The following ZNF658 variants were observed in gnomAD, a reference collection of about 807,000 sequenced individuals.
ZNF658 encodes the protein zinc finger protein 658.
ZNF658 carries 46 observed loss-of-function variants against 78.0 expected under a neutral mutation model. The ratio of observed to expected loss-of-function variants is 0.59; its 90% CI spans 0.47 to 0.75. ZNF658 has a LOEUF of 0.75. Among genes scored for constraint, ZNF658 ranks in the 30% least tolerant of loss-of-function variants. ZNF658 has a pLI of 0.00. For synonymous variants in ZNF658, 279 were observed against 408.4 expected (o/e 0.68, Z 3.82); for missense variants, 785 against 1,189.3 (o/e 0.66, Z 5.00).
chr9:66,917,686 C>A (rs1187227170), intron 4 of ZNF658, 119 bp from the exon 5 acceptor site: 1 of 859,244 alleles, frequency 1.2e-6, no homozygotes, highest in Non-Finnish European at 1.7e-6. Context: ...GCACTCCAGC[C>A]TGGGTGACAG....
intron 4 of ZNF658, among the ~76,000 whole-genome samples, chr9:66,914,045 G>A (rs1012540045): frequency 1.9e-4 from 29 of 149,320 alleles, no homozygotes; most frequent in Admixed American, 1.9e-3. Flanking sequence ...TTTTAAATGA[G>A]GTTCATAATC....
At chr9:66,909,253 T>TC (rs1822156211) in intron 4 of ZNF658, among the ~76,000 whole-genome samples, 1 of 151,876 alleles carries the variant, frequency 6.6e-6, no homozygotes, top group African/African-American at 2.4e-5. Flanking sequence ...CACTGTCCCA[T>TC]CCCCCCTGCC....
At chr9:66,910,834 G>C (rs1280817867) in intron 4 of ZNF658, among the ~76,000 whole-genome samples, 2 of 143,652 alleles carry the variant, frequency 1.4e-5, no homozygotes, top group Admixed American at 7.2e-5. Flanking sequence ...TAAAGTTGTT[G>C]AGTCAATAAA....
At chr9:66,907,427 T>A (rs1232618331) in intron 2 of ZNF658, among the ~76,000 whole-genome samples, 1 of 152,144 alleles carries the variant, frequency 6.6e-6, no homozygotes, top group Non-Finnish European at 1.5e-5. Context: ...ATTCTAGTCA[T>A]CATCCTGTGC....
downstream of ZNF658, among the ~76,000 whole-genome samples, chr9:66,923,129 G>C (rs1365652180): frequency 7.1e-6 from 1 of 141,660 alleles, no homozygotes; most frequent in Non-Finnish European, 1.6e-5. Context: ...GAAGCCAACA[G>C]TGCAGCCTTC....
chr9:66,903,066 C>T (rs1821990086), intron 1 of ZNF658: 1 of 163,582 alleles, frequency 6.1e-6, no homozygotes, highest in Admixed American at 5.8e-5. Context: ...AGGTAAACAG[C>T]TTCATCTCTG....
At position 66,913,431 on chromosome 9, in the gene ZNF658, G is replaced by GA. The variant is rs56789827; in HGVS notation, c.239-4360dup. 4.8e-3 allele frequency among the ~76,000 whole-genome samples: 681 copies of GA among 142,180 alleles called. 3 individuals carry two copies. The highest frequency in any genetic ancestry group is 9.8e-3 in the African/African-American group (383 of 39,048). 93.3% of individuals were successfully genotyped at this position (142,180 alleles called of 152,430 possible). On this transcript the variant is annotated intron_variant, in intron 4 of 4. Transcript: ENST00000621410. ...CGAGAGAAACTGTCTCAAAAGGAAG[G>GA]AAAAAAAAAAAAAAGTAGAAGCCTC...
downstream of ZNF658, among the ~76,000 whole-genome samples, chr9:66,922,283 G>A (rs1042223155): frequency 1.5e-4 from 23 of 152,062 alleles, no homozygotes; most frequent in Non-Finnish European, 2.1e-4. Flanking sequence ...GGAATTCCCT[G>A]GCCCCTTCTG....
At chr9:66,904,955 TATG>T (rs1822037870) in intron 2 of ZNF658, among the ~76,000 whole-genome samples, 1 of 151,630 alleles carries the variant, frequency 6.6e-6, no homozygotes, top group Non-Finnish European at 1.5e-5. Context: ...CAGCCTGTAA[TATG>T]ATGACTTGTT....
chr9:66,929,484 T>C (rs1239740423), intron 6 of ZNF658, among the ~76,000 whole-genome samples: 1 of 149,434 alleles, frequency 6.7e-6, no homozygotes, highest in Admixed American at 6.7e-5. Context: ...CTAAAATGTA[T>C]AGACAGCCTT....
intron 4 of ZNF658, among the ~76,000 whole-genome samples, chr9:66,913,980 AGCTT>A (rs1194932292): frequency 1.1e-4 from 12 of 106,040 alleles, no homozygotes; most frequent in Admixed American, 4.5e-4. Flanking sequence ...TGATTACTCT[AGCTT>A]ATTAAGTTTT....
Position 66,919,515 on chromosome 9 carries a change from G to T in ZNF658, c.1949G>T (p.Arg650Ile), listed in dbSNP as rs1342820342. 9.3e-6 allele frequency: 15 copies of T among 1,611,412 alleles called. No individual in the cohort carries two copies. The highest frequency in any genetic ancestry group is 1.7e-4 in the Middle Eastern group (1 of 5,722). ...AHISVLKAHQRIHTGEKPYEC... is the reference protein window; with the variant it reads ...AHISVLKAHQIIHTGEKPYEC... ...ATTTCTGTTCTCAAGGCACATCAAA[G>T]AATTCACACAGGGGAGAAACCCTAT... The change falls in exon 5 of 5, where the codon AGA becomes ATA. Residue 650 changes from arginine (R) to isoleucine (I), a missense_variant. Coordinates refer to ENST00000621410, the MANE Select transcript of ZNF658 (RefSeq NM_033160.7).
Position 66,920,086 on chromosome 9 carries a change from C to A in ZNF658, c.2520C>A (p.His840Gln). ...GGAAAACTTTCTCCCAAAGAACACA[C>A]CTCTGTGCACATCAGAGAATTCATA... ...QCGKTFSQRT[H>Q]LCAHQRIHTG... is the part of the protein sequence containing the mutation. Residue 840 changes from histidine to glutamine, a missense_variant, in exon 5 of 5, where the codon CAC becomes CAA. His to Gln is a conservative substitution (Grantham distance 24). Around this residue, in one of 12 missense-constraint regions of ZNF658, gnomAD observed 58 missense variants for 63.0 expected, o/e 0.92. Transcript: ENST00000621410. 5 of 1,612,542 alleles carry A rather than the reference C, an allele frequency of 3.1e-6. No homozygotes were observed. The highest frequency in any genetic ancestry group is 4.2e-6 in the Non-Finnish European group (5 of 1,179,704).
In ZNF658 at chr9:66,918,410, A is replaced by G; in HGVS notation, c.844A>G (p.Thr282Ala). ...LNEYGTSCDKTTAVEYNKVHM... is the reference protein window; with the variant it reads ...LNEYGTSCDKATAVEYNKVHM... ...TGAATATGGGACATCCTGTGACAAA[A>G]CCACCGCTGTTGAATACAATAAAGT... Residue 282 changes from threonine to alanine, a missense_variant, in exon 5 of 5, where the codon ACC (threonine) becomes GCC (alanine). Thr to Ala is a moderately conservative substitution (Grantham distance 58). This residue lies in a region of ZNF658 where 393 missense variants were observed against 400.2 expected (regional missense o/e 0.98). Coordinates refer to ENST00000621410, the MANE Select transcript of ZNF658 (RefSeq NM_033160.7). 1.2e-6 allele frequency: 2 copies of G among 1,613,546 alleles called. No homozygotes were observed. Among genetic ancestry groups the G allele is most frequent in the Non-Finnish European group, 1.7e-6 (2 of 1,179,608 alleles).
At chr9:66,912,983 G>A (rs1475429430) in intron 4 of ZNF658, among the ~76,000 whole-genome samples, 9 of 151,748 alleles carry the variant, frequency 5.9e-5, no homozygotes, top group African/African-American at 9.7e-5. Context: ...GGGAGGTGGA[G>A]GTTATGGTGA....
intron 6 of ZNF658, among the ~76,000 whole-genome samples, chr9:66,927,571 T>C: frequency 6.8e-6 from 1 of 147,042 alleles, no homozygotes; most frequent in Non-Finnish European, 1.5e-5. Context: ...ATTGCAACAC[T>C]ATTCGTAATA....
rs140424782 is a variant in ZNF658 at position 66,908,309 on chromosome 9, G to C, written c.87G>C (p.Glu29Asp). Residue 29 changes from glutamate (E) to aspartate (D), a missense_variant, in exon 3 of 5, where the codon GAG becomes GAC. Physicochemically the swap from Glu to Asp is conservative, Grantham distance 45 (BLOSUM62 2). Coordinates refer to ENST00000621410, the MANE Select transcript of ZNF658 (RefSeq NM_033160.7). The part of the protein sequence containing the change: ...REEWQHLGPV[E>D]RTLYRDVMLE... ...AGTGGCAGCACCTGGGCCCTGTCGA[G>C]AGGACGCTGTACAGAGATGTGATGC... 2,260 of 1,614,062 alleles carry C rather than the reference G, an allele frequency of 1.4e-3. 2 individuals carry two copies. Among genetic ancestry groups the C allele is most frequent in the Non-Finnish European group, 1.7e-3 (2,052 of 1,179,964 alleles).
At chr9:66,922,914 G>T (rs1822549396), downstream of ZNF658, among the ~76,000 whole-genome samples, 1 of 150,828 alleles carries the variant, frequency 6.6e-6, no homozygotes, top group Admixed American at 6.6e-5. Flanking sequence ...ACATGAATCA[G>T]TACATGTAAG....
intron 4 of ZNF658, among the ~76,000 whole-genome samples, chr9:66,909,781 A>T (rs1822170381): frequency 1.3e-5 from 2 of 152,174 alleles, no homozygotes; most frequent in South Asian, 2.1e-4. Flanking sequence ...GTGATATCTC[A>T]CTGTGGTTTT....
Sources: gnomAD v4.1 joint callset for allele counts (sites outside exome capture counted in the v4.1 genomes callset) on GRCh38, gnomAD v4.1.1 for gene constraint, gnomAD v4.1.1 regional missense constraint, MANE v1.5 for transcripts, NCBI Gene and HGNC (gene_info 2026-07-23, HGNC 2026-07-21) for gene names.